The following RAB28 variants were observed in gnomAD, a reference collection of about 807,000 sequenced individuals.
The protein encoded by RAB28 is RAB28, member RAS oncogene family.
RAB28 carries 24 observed loss-of-function variants against 31.7 expected under a neutral mutation model. The observed-to-expected ratio is 0.76, with a 90% CI of 0.55 to 1.06. The LOEUF is 1.06. Among genes scored for constraint, RAB28 ranks in the 50% least tolerant of loss-of-function variants. RAB28 has a pLI of 0.00. For synonymous variants in RAB28, 100 were observed against 90.4 expected (o/e 1.11, Z -0.60); for missense variants, 254 against 258.5 (o/e 0.98, Z 0.12).
At chr4:13,468,532 A>T (rs541429245) in intron 3 of RAB28, among the ~76,000 whole-genome samples, 1 of 151,998 alleles carries the variant, frequency 6.6e-6, no homozygotes. Context: ...CCAAAAAAAA[A>T]ACATATGCAA....
rs538176132 is a variant in RAB28 at position 13,420,569 on chromosome 4, C to G, written c.392-38975G>C. 5.3e-5 allele frequency among the ~76,000 whole-genome samples: 8 copies of G among 152,226 alleles called. No homozygotes were observed. In the South Asian group the frequency reaches 1.5e-3, roughly 28 times the overall value. On this transcript the variant is annotated intron_variant, in intron 4 of 6. Coordinates refer to ENST00000330852, the MANE Select transcript of RAB28 (RefSeq NM_001017979.3). The stretch of plus-strand genomic sequence containing the variant: ...AAAAGCTTATCCACCAAGATCAAGT[C>G]GGCTTCATCCCTGGGATGCAAAGCT...
At chr4:13,423,810 A>C (rs1272536355) in intron 4 of RAB28, among the ~76,000 whole-genome samples, 1 of 152,184 alleles carries the variant, frequency 6.6e-6, no homozygotes, top group Non-Finnish European at 1.5e-5. Context: ...TTTTAATAGG[A>C]TACTGAAAAA....
intron 4 of RAB28, among the ~76,000 whole-genome samples, chr4:13,410,599 T>C (rs1712386887): frequency 6.6e-6 from 1 of 152,132 alleles, no homozygotes; most frequent in African/African-American, 2.4e-5. Flanking sequence ...CCTTATCAGC[T>C]CCTATCAGAT....
chr4:13,433,231 A>G (rs1713914907), intron 4 of RAB28, among the ~76,000 whole-genome samples: 1 of 152,000 alleles, frequency 6.6e-6, no homozygotes, highest in South Asian at 2.1e-4. Context: ...AAAAAAAGAC[A>G]AAGAACAGCA....
At chr4:13,396,851 T>G (rs2108896368) in intron 4 of RAB28, among the ~76,000 whole-genome samples, 1 of 152,222 alleles carries the variant, frequency 6.6e-6, no homozygotes, top group Non-Finnish European at 1.5e-5. Context: ...AGGTTGGCAT[T>G]CTCCTTTTAA....
intron 3 of RAB28, among the ~76,000 whole-genome samples, chr4:13,471,052 T>C (rs907378885): frequency 6.6e-6 from 1 of 152,092 alleles, no homozygotes; most frequent in Non-Finnish European, 1.5e-5. Flanking sequence ...ACATGTATAA[T>C]TCTTTCTATA....
intron 4 of RAB28, among the ~76,000 whole-genome samples, chr4:13,436,281 C>T (rs13134566): frequency 0.062 from 9,492 of 152,012 alleles, 404 homozygotes; most frequent in African/African-American, 0.11. Context: ...AAGCAATCCC[C>T]GTAAGAACTG....
chr4:13,422,470 T>C (rs1324068814), intron 4 of RAB28, among the ~76,000 whole-genome samples: 1 of 152,220 alleles, frequency 6.6e-6, no homozygotes, highest in Non-Finnish European at 1.5e-5. Context: ...GCGGCACTAT[T>C]CACAATAGCA....
At chr4:13,371,384 A>T in intron 6 of RAB28, 4 of 985,352 alleles carry the variant, frequency 4.1e-6, no homozygotes, top group Non-Finnish European at 4.8e-6. Flanking sequence ...TACAATGAAG[A>T]GATGGGATTT....
intron 4 of RAB28, among the ~76,000 whole-genome samples, chr4:13,416,798 A>G (rs6836692): frequency 0.061 from 9,233 of 152,308 alleles, 655 homozygotes; most frequent in African/African-American, 0.17. Context: ...AAACAGCTCC[A>G]GTCTGCAGCT....
intron 4 of RAB28, among the ~76,000 whole-genome samples, chr4:13,420,285 A>G (rs908679217): frequency 6.6e-6 from 1 of 152,220 alleles, no homozygotes. Flanking sequence ...AACCAAAAAA[A>G]GGCCAGGACC....
intron 4 of RAB28, among the ~76,000 whole-genome samples, chr4:13,403,681 G>A (rs1173694477): frequency 3.9e-5 from 6 of 152,008 alleles, no homozygotes; most frequent in South Asian, 2.1e-4. Flanking sequence ...GTGCCCCGGC[G>A]TACCAAGTAC....
chr4:13,421,324 T>A (rs1713125921), intron 4 of RAB28, among the ~76,000 whole-genome samples: 1 of 152,202 alleles, frequency 6.6e-6, no homozygotes, highest in Admixed American at 6.5e-5. Flanking sequence ...AAAATGGTCA[T>A]ACTGCCCAAG....
intron 4 of RAB28, among the ~76,000 whole-genome samples, chr4:13,394,402 C>T (rs990955550): frequency 1.3e-5 from 2 of 152,142 alleles, no homozygotes; most frequent in Admixed American, 1.3e-4. Flanking sequence ...GTTCACGCTC[C>T]TATGAGAATC....
intron 3 of RAB28, among the ~76,000 whole-genome samples, chr4:13,473,456 C>T (rs1264193693): frequency 6.6e-6 from 1 of 151,798 alleles, no homozygotes; most frequent in African/African-American, 2.4e-5. Flanking sequence ...TAATATTCGG[C>T]TATATACCAT....
intron 4 of RAB28, among the ~76,000 whole-genome samples, chr4:13,415,362 C>T (rs889693211): frequency 2.0e-5 from 3 of 152,154 alleles, no homozygotes; most frequent in African/African-American, 4.8e-5. Context: ...TGGCTGAGGC[C>T]GGAGCCGGCT....
intron 4 of RAB28, among the ~76,000 whole-genome samples, chr4:13,441,494 T>A (rs1215877161): frequency 1.3e-5 from 2 of 152,234 alleles, no homozygotes; most frequent in African/African-American, 4.8e-5. Flanking sequence ...AAGTAGCCAC[T>A]GGTGACAATT....
rs551846046 is a variant in RAB28, at chr4:13,422,949, C to T, written c.391+37750G>A. ...ATGCCTATCAAAAAAAGTACATAAACTTTATTTCATTTCAATGTAAATTTT... is the reference window on the plus strand; with the variant it reads ...ATGCCTATCAAAAAAAGTACATAAATTTTATTTCATTTCAATGTAAATTTT... On this transcript the variant is annotated intron_variant, in intron 4 of 6. Coordinates refer to ENST00000330852, the MANE Select transcript of RAB28 (RefSeq NM_001017979.3). Among the ~76,000 whole-genome samples, 5 of 150,654 alleles carry T rather than the reference C, an allele frequency of 3.3e-5. No individual in the cohort carries two copies. The South Asian group carries it at 1.1e-3, about 32-fold the overall frequency.
chr4:13,427,024 G>C (rs10516267), intron 4 of RAB28, among the ~76,000 whole-genome samples: 8,479 of 152,168 alleles, frequency 0.056, 542 homozygotes, highest in African/African-American at 0.16. Flanking sequence ...GAAATCAGGA[G>C]GTGTATAGTG....
Sources: allele counts gnomAD v4.1 joint callset (sites outside exome capture counted in the v4.1 genomes callset), GRCh38; gene constraint gnomAD v4.1.1; transcripts MANE v1.5; gene names NCBI Gene and HGNC (gene_info 2026-07-23, HGNC 2026-07-21).